Variants in TRPM7 observed in about 807,000 individuals in gnomAD.
TRPM7 encodes the protein transient receptor potential cation channel subfamily M member 7.
In TRPM7, 134 loss-of-function variants were observed where a neutral mutation model predicts 229.7. That is an observed-to-expected ratio of 0.58 (90% CI 0.51 to 0.67). The LOEUF is 0.67. Among genes scored for constraint, TRPM7 ranks in the 30% least tolerant of loss-of-function variants. The pLI is 0.00. For missense variants in TRPM7, 1,901 were observed against 2,210.0 expected (o/e 0.86, Z 2.80); for synonymous variants, 699 against 715.2 (o/e 0.98, Z 0.36).
intron 12 of TRPM7, among the ~76,000 whole-genome samples, chr15:50,620,314 T>TC (rs1296057579): frequency 6.6e-6 from 1 of 151,974 alleles, no homozygotes; most frequent in Non-Finnish European, 1.5e-5. Context: ...TTTTCAATTT[T>TC]TTTTTTTTTA....
Position 50,634,494 on chromosome 15 carries a change from T to C in TRPM7, c.895A>G (p.Thr299Ala). ...CTTTCCTGAAGGTATTCAAGAACTGTGAGGATAACATTTGGCCCACCCTCA... is the reference window on the plus strand; with the variant it reads ...CTTTCCTGAAGGTATTCAAGAACTGCGAGGATAACATTTGGCCCACCCTCA... ...IFEGGPNVIL[T>A]VLEYLQESPP... Residue 299 changes from threonine to alanine, a missense_variant, in exon 8 of 39, where the codon ACA becomes GCA. By Grantham distance (58) the Thr-to-Ala change is moderately conservative. This residue lies in a region of TRPM7 where 794 missense variants were observed against 881.9 expected (regional missense o/e 0.90). Coordinates refer to ENST00000646667, the MANE Select transcript of TRPM7 (RefSeq NM_017672.6). 6.3e-7 allele frequency: 1 copy of C among 1,580,828 alleles called. No homozygotes were observed. The highest frequency in any genetic ancestry group is 8.6e-7 in the Non-Finnish European group (1 of 1,166,304).
In TRPM7 at chr15:50,641,573, C is replaced by T. The variant is rs28440474; in HGVS notation, c.535+1767G>A. ...GCATAACACTTATCAGCATCTAACA[C>T]GTTATACATTACTGAGTTATCTGTT... On this transcript the variant is annotated intron_variant, in intron 5 of 38. Transcript: ENST00000646667. Among the ~76,000 whole-genome samples, 1,211 of 152,230 alleles carry T rather than the reference C, an allele frequency of 8.0e-3. 19 individuals carry two copies. Among genetic ancestry groups the T allele is most frequent in the African/African-American group, 0.028 (1,159 of 41,530 alleles).
intron 4 of TRPM7, among the ~76,000 whole-genome samples, chr15:50,647,659 T>G (rs550419224): frequency 6.6e-6 from 1 of 151,936 alleles, no homozygotes; most frequent in African/African-American, 2.4e-5. Flanking sequence ...GCAGGAGAAC[T>G]GCTTGAACCC....
chr15:50,662,856 A>G lies in TRPM7; in HGVS notation c.83+111T>C, dbSNP rs1596330118. ...TGATTAACAGTAATTATAAAAAGTA[A>G]CAGTAAGTACAAATAATTTATTTAG... On this transcript the variant is annotated intron_variant, in intron 2 of 38. Coordinates refer to ENST00000646667, the MANE Select transcript of TRPM7 (RefSeq NM_017672.6). 6.4e-6 allele frequency: 5 copies of G among 786,114 alleles called. No homozygotes were observed. In the Admixed American group the frequency reaches 1.4e-4, roughly 21 times the overall value. 48.7% of individuals were successfully genotyped at this position (786,114 alleles called of 1,614,324 possible).
chr15:50,661,096 C>T (rs924086331), intron 2 of TRPM7, among the ~76,000 whole-genome samples: 13 of 152,064 alleles, frequency 8.5e-5, no homozygotes, highest in Admixed American at 7.9e-4. Context: ...CCTGCCTTAG[C>T]CTCCCAAGTA....
intron 1 of TRPM7, among the ~76,000 whole-genome samples, chr15:50,668,348 T>C (rs1384691465): frequency 2.6e-5 from 4 of 152,238 alleles, no homozygotes; most frequent in Non-Finnish European, 5.9e-5. Flanking sequence ...ATCCTTTATT[T>C]TGTTTTGCAG....
At chr15:50,662,679 C>T (rs1398833732) in intron 2 of TRPM7, among the ~76,000 whole-genome samples, 2 of 152,126 alleles carry the variant, frequency 1.3e-5, no homozygotes, top group Admixed American at 6.6e-5. Context: ...GTCTTAACTG[C>T]CTTACCTTTG....
At chr15:50,569,441 C>T (rs771415153) in intron 38 of TRPM7, among the ~76,000 whole-genome samples, 2 of 152,084 alleles carry the variant, frequency 1.3e-5, no homozygotes, top group Admixed American at 1.3e-4. Flanking sequence ...AAGGCAAATA[C>T]GTTAGTTTCC....
At chr15:50,562,192 G>A (rs562009568) in intron 38 of TRPM7, among the ~76,000 whole-genome samples, 23 of 152,186 alleles carry the variant, frequency 1.5e-4, no homozygotes, top group Non-Finnish European at 3.1e-4. Context: ...CACCATGCCC[G>A]GCTGAATTAG....
Position 50,609,600 on chromosome 15 carries a change from A to G in TRPM7, c.2561T>C (p.Val854Ala). 1 of 1,604,976 alleles carries G rather than the reference A, an allele frequency of 6.2e-7. No homozygotes were observed. The highest frequency in any genetic ancestry group is 8.5e-7 in the Non-Finnish European group (1 of 1,177,466). The change falls in exon 19 of 39, where the codon GTA becomes GCA. Residue 854 changes from valine to alanine, a missense_variant. Transcript: ENST00000646667. ...ACATACCGTGTTAAACCAGAATTTT[A>G]CAATTGGTGCATGATAAAAGGCATA... Reference protein sequence around the residue: ...KFYAFYHAPIVKFWFNTLAYL... With the variant: ...KFYAFYHAPIAKFWFNTLAYL...
At chr15:50,632,781 A>C in intron 9 of TRPM7, 88 bp downstream of exon 9, 1 of 1,259,502 alleles carries the variant, frequency 7.9e-7, no homozygotes, top group Non-Finnish European at 1.1e-6. Flanking sequence ...CCAAATAAAA[A>C]CAAAAGTATT....
At chr15:50,677,754 A>AAC (rs1567126801) in intron 1 of TRPM7, among the ~76,000 whole-genome samples, 1 of 150,150 alleles carries the variant, frequency 6.7e-6, no homozygotes, top group Non-Finnish European at 1.5e-5. Flanking sequence ...AAAAAAAAAA[A>AAC]AAAAAACAAA....
chr15:50,668,990 A>G (rs930362985), intron 1 of TRPM7, among the ~76,000 whole-genome samples: 6 of 152,186 alleles, frequency 3.9e-5, no homozygotes, highest in African/African-American at 1.4e-4. Context: ...TATCTTGTCT[A>G]CGCAGTCCCT....
At chr15:50,676,517 G>C (rs1189453928) in intron 1 of TRPM7, among the ~76,000 whole-genome samples, 1 of 151,928 alleles carries the variant, frequency 6.6e-6, no homozygotes, top group Non-Finnish European at 1.5e-5. Context: ...CCAGGAGTTT[G>C]AGACCAGCCT....
chr15:50,654,516 T>C (rs1163361316), intron 3 of TRPM7, among the ~76,000 whole-genome samples: 1 of 151,206 alleles, frequency 6.6e-6, no homozygotes, highest in Non-Finnish European at 1.5e-5. Context: ...AAACAGACCC[T>C]AAATGATGCA....
intron 10 of TRPM7, among the ~76,000 whole-genome samples, chr15:50,629,011 C>T (rs1225097867): frequency 6.6e-6 from 1 of 152,126 alleles, no homozygotes; most frequent in African/African-American, 2.4e-5. Flanking sequence ...CTTATATATA[C>T]TTAGGTAAAC....
intron 28 of TRPM7, among the ~76,000 whole-genome samples, chr15:50,584,615 T>TG (rs2054597481): frequency 6.9e-6 from 1 of 144,344 alleles, no homozygotes; most frequent in African/African-American, 2.5e-5. Context: ...TTCAGATTTC[T>TG]GTTTTTTTTT....
At chr15:50,591,873 A>C (rs775914033) in intron 26 of TRPM7, 38 bp downstream of exon 26, 4 of 1,363,812 alleles carry the variant, frequency 2.9e-6, no homozygotes, top group Non-Finnish European at 4.0e-6. Flanking sequence ...TGAAAAGTAA[A>C]TAATATTGAT....
rs745615885 is a variant in TRPM7 at position 50,631,394 on chromosome 15, TAAA to T, written c.1204+20_1204+22del. The T allele has an allele frequency of 1.3e-6, 2 of 1,527,798 alleles. No individual in the cohort carries two copies. The highest frequency in any genetic ancestry group is 2.3e-5 in the East Asian group (1 of 44,344). The allele number at this position is 1,527,798 out of a possible 1,614,324, so 94.6% of individuals were successfully genotyped here. A position where few individuals can be genotyped will look rare whatever the true frequency, so the allele number is the denominator to read the frequency against. On this transcript the variant is annotated intron_variant, in intron 10 of 38. Transcript: ENST00000646667. ...TACATAAAATAAAAGGTCTTACAAA[TAAA>T]AAAGTTCTTAGAGGCTTACCTTTTA...
Sources: allele counts gnomAD v4.1 joint callset (sites outside exome capture counted in the v4.1 genomes callset), GRCh38; gene constraint gnomAD v4.1.1; regional missense constraint gnomAD v4.1.1; transcripts MANE v1.5; gene names NCBI Gene and HGNC (gene_info 2026-07-23, HGNC 2026-07-21).